The following SORCS2 variants were observed in gnomAD, a reference collection of about 807,000 sequenced individuals.
The protein encoded by SORCS2 is VPS10 domain-containing receptor SorCS2.
SORCS2 carries 100 observed loss-of-function variants against 141.6 expected under a neutral mutation model. The ratio of observed to expected loss-of-function variants is 0.71; its 90% CI spans 0.60 to 0.83. SORCS2 has a LOEUF of 0.83. Ranked by LOEUF, SORCS2 falls within the 40% of genes least tolerant of loss-of-function variation. The pLI, the probability that SORCS2 is intolerant of heterozygous loss-of-function variation, is 0.00. For synonymous variants in SORCS2, 789 were observed against 676.9 expected (o/e 1.17, Z -2.57); for missense variants, 1,646 against 1,560.2 (o/e 1.05, Z -0.93).
chr4:7,269,167 A>C (rs1443665619), intron 1 of SORCS2, among the ~76,000 whole-genome samples: 1 of 152,170 alleles, frequency 6.6e-6, no homozygotes, highest in Non-Finnish European at 1.5e-5. Flanking sequence ...GAGGGCCTGG[A>C]GGAGCTTACA....
intron 1 of SORCS2, among the ~76,000 whole-genome samples, chr4:7,355,048 C>T (rs572416412): frequency 6.6e-6 from 1 of 152,218 alleles, no homozygotes; most frequent in Non-Finnish European, 1.5e-5. Flanking sequence ...ATTTTACTGA[C>T]AACACCCAAT....
At chr4:7,259,046 A>G (rs773955164) in intron 1 of SORCS2, among the ~76,000 whole-genome samples, 113 of 152,132 alleles carry the variant, frequency 7.4e-4, no homozygotes, top group Non-Finnish European at 1.5e-3. Flanking sequence ...AGATGGATAG[A>G]TTGCAAAAAT....
chr4:7,366,976 A>G (rs1422380444), intron 1 of SORCS2, among the ~76,000 whole-genome samples: 1 of 152,218 alleles, frequency 6.6e-6, no homozygotes, highest in Non-Finnish European at 1.5e-5. Context: ...CAGAGGAGCA[A>G]TCTTATCAGA....
intron 9 of SORCS2, among the ~76,000 whole-genome samples, chr4:7,679,898 T>C (rs1372443103): frequency 1.3e-5 from 2 of 152,202 alleles, no homozygotes; most frequent in African/African-American, 4.8e-5. Context: ...ATCCGTGTTA[T>C]TTATTGCTGA....
chr4:7,661,631 C>A, intron 6 of SORCS2, 67 bp downstream of exon 6: 1 of 1,430,634 alleles, frequency 7.0e-7, no homozygotes, highest in Non-Finnish European at 9.6e-7. Context: ...AGCTCGGCTG[C>A]ACGTGTGTTC....
rs572087285 is a variant in SORCS2 at position 7,300,166 on chromosome 4, G to A, written c.481-96122G>A. Among the ~76,000 whole-genome samples, 18 of 152,248 alleles carry A rather than the reference G, an allele frequency of 1.2e-4. No individual in the cohort carries two copies. The East Asian group carries it at 2.9e-3, about 25-fold the overall frequency. ...AGTGGGAGATGCAGGAGCCGAGCTG[G>A]GTTCTTGCACTGAGGGTGCAACGAA... is the stretch of plus-strand genomic sequence containing the variant. On this transcript the variant is annotated intron_variant, in intron 1 of 26. Coordinates refer to ENST00000507866, the MANE Select transcript of SORCS2 (RefSeq NM_020777.3).
chr4:7,296,282 A>G (rs940054606), intron 1 of SORCS2, among the ~76,000 whole-genome samples: 3 of 152,190 alleles, frequency 2.0e-5, no homozygotes, highest in Non-Finnish European at 4.4e-5. Context: ...TTTTCCCCGG[A>G]GCAAGCACTG....
At chr4:7,420,450 G>T (rs985218583) in intron 2 of SORCS2, among the ~76,000 whole-genome samples, 2 of 152,206 alleles carry the variant, frequency 1.3e-5, no homozygotes, top group Non-Finnish European at 2.9e-5. Flanking sequence ...GACTCAGAGA[G>T]TGTCCAGGGC....
chr4:7,427,663 G>A (rs893521548), intron 2 of SORCS2, among the ~76,000 whole-genome samples: 1 of 152,088 alleles, frequency 6.6e-6, no homozygotes, highest in Admixed American at 6.5e-5. Flanking sequence ...CTTCGTGTGA[G>A]ACTCGGGAAG....
chr4:7,466,089 T>G (rs1223594844), intron 2 of SORCS2, among the ~76,000 whole-genome samples: 3 of 152,188 alleles, frequency 2.0e-5, no homozygotes, highest in Admixed American at 2.0e-4. Context: ...CCAGATTTTT[T>G]CCACACAAAG....
At position 7,324,738 on chromosome 4, in the gene SORCS2, T is replaced by C. The variant is rs544678959; in HGVS notation, c.481-71550T>C. ...ACTCCACCTTGAGTCCCATGTGCTT[T>C]TAAAAGCAGACGGAAAGTGTGGGTG... On this transcript the variant is annotated intron_variant, in intron 1 of 26. Transcript: ENST00000507866. Among the ~76,000 whole-genome samples, 11 of 152,332 alleles carry C rather than the reference T, an allele frequency of 7.2e-5. No homozygotes were observed. In the East Asian group the frequency reaches 2.1e-3, roughly 29 times the overall value.
At chr4:7,677,365 A>AG (rs1202414430) in intron 9 of SORCS2, among the ~76,000 whole-genome samples, 10 of 152,228 alleles carry the variant, frequency 6.6e-5, no homozygotes, top group African/African-American at 2.4e-4. Context: ...ATGGCCAGCG[A>AG]GGGGGGCTAC....
rs1577148084 is a variant in SORCS2 at position 7,742,738 on chromosome 4, G to A, written c.*2474G>A. 6.6e-6 allele frequency: 1 copy of A among 152,430 alleles called. No homozygotes were observed. Among genetic ancestry groups the A allele is most frequent in the East Asian group, 1.9e-4 (1 of 5,204 alleles). 9.4% of individuals were successfully genotyped at this position (152,430 alleles called of 1,614,324 possible). A position where few individuals can be genotyped will look rare whatever the true frequency, so the allele number is the denominator to read the frequency against. ...CATCAGCTGCCATGCACATAACAAAGAGACAATGCATTCCTTCTTATTTTT... is the reference window on the plus strand; with the variant it reads ...CATCAGCTGCCATGCACATAACAAAAAGACAATGCATTCCTTCTTATTTTT... On this transcript the variant is annotated 3_prime_UTR_variant, in exon 27 of 27. Coordinates refer to ENST00000507866, the MANE Select transcript of SORCS2 (RefSeq NM_020777.3).
At chr4:7,710,920 C>T (rs754531908) in intron 14 of SORCS2, among the ~76,000 whole-genome samples, 2 of 151,076 alleles carry the variant, frequency 1.3e-5, no homozygotes, top group Non-Finnish European at 2.9e-5. Context: ...GGCTCCTGAA[C>T]CCCACGCACA....
chr4:7,199,480 G>A (rs1424859048), intron 1 of SORCS2, among the ~76,000 whole-genome samples: 1 of 151,930 alleles, frequency 6.6e-6, no homozygotes, highest in Non-Finnish European at 1.5e-5. Flanking sequence ...GCCTGGTGGA[G>A]GGGCTGCCCG....
At chr4:7,452,048 AG>A (rs1728494973) in intron 2 of SORCS2, among the ~76,000 whole-genome samples, 1 of 152,056 alleles carries the variant, frequency 6.6e-6, no homozygotes, top group Non-Finnish European at 1.5e-5. Context: ...TGCTCTGCAC[AG>A]CCTTCCCCTC....
At chr4:7,420,996 C>T (rs6845918) in intron 2 of SORCS2, among the ~76,000 whole-genome samples, 1,811 of 152,310 alleles carry the variant, frequency 0.012, 33 homozygotes, top group African/African-American at 0.042. Flanking sequence ...CAGATGTTTG[C>T]CATCACTGGT....
At chr4:7,209,910 C>G (rs1727964941) in intron 1 of SORCS2, among the ~76,000 whole-genome samples, 1 of 152,208 alleles carries the variant, frequency 6.6e-6, no homozygotes, top group Non-Finnish European at 1.5e-5. Context: ...AGCTATGGCT[C>G]TGGGCCAGAT....
chr4:7,449,752 C>T (rs964552588), intron 2 of SORCS2, among the ~76,000 whole-genome samples: 4 of 152,106 alleles, frequency 2.6e-5, no homozygotes, highest in Non-Finnish European at 4.4e-5. Flanking sequence ...TGTCTCCAGC[C>T]ATCTTTGGCC....
Sources: allele counts gnomAD v4.1 joint callset (sites outside exome capture counted in the v4.1 genomes callset), GRCh38; gene constraint gnomAD v4.1.1; transcripts MANE v1.5; gene names NCBI Gene and HGNC (gene_info 2026-07-23, HGNC 2026-07-21).